The following ENTREP2 variants were observed in gnomAD, a reference collection of about 807,000 sequenced individuals.
ENTREP2 encodes endosomal transmembrane epsin interactor 2.
At chr15:29,338,213 A>T in the ENTREP2 span, among the ~76,000 whole-genome samples, 3 of 151,874 alleles carry the variant, frequency 2.0e-5, no homozygotes, top group African/African-American at 7.3e-5. Context: ...GGGAGTGAGG[A>T]GTGCATGTCC....
chr15:29,656,348 C>G, the ENTREP2 span, among the ~76,000 whole-genome samples: 5 of 151,992 alleles, frequency 3.3e-5, no homozygotes, highest in African/African-American at 1.2e-4. Context: ...GTGTCAGCCT[C>G]CCGAGTAGCT....
At chr15:29,641,348 T>C in the ENTREP2 span, among the ~76,000 whole-genome samples, 1 of 151,938 alleles carries the variant, frequency 6.6e-6, no homozygotes, top group Non-Finnish European at 1.5e-5. Flanking sequence ...TCATCAAAAT[T>C]GGAAAGGAAA....
the ENTREP2 span, chr15:29,123,185 CT>C: frequency 1.3e-6 from 1 of 796,284 alleles, no homozygotes; most frequent in Non-Finnish European, 1.9e-6. Context: ...TAACAGTTCC[CT>C]GCCCACACCG....
At chr15:29,460,562 C>T in the ENTREP2 span, among the ~76,000 whole-genome samples, 19 of 151,740 alleles carry the variant, frequency 1.3e-4, no homozygotes, top group East Asian at 2.0e-4. Flanking sequence ...AGCCCGGAGG[C>T]GGAGGCTGCA....
chr15:29,491,824 A>G, the ENTREP2 span, among the ~76,000 whole-genome samples: 1 of 152,220 alleles, frequency 6.6e-6, no homozygotes, highest in Non-Finnish European at 1.5e-5. Context: ...CCTGCCTCAC[A>G]GTAGACATTA....
the ENTREP2 span, among the ~76,000 whole-genome samples, chr15:29,628,730 G>C: frequency 6.6e-6 from 1 of 152,090 alleles, no homozygotes; most frequent in Non-Finnish European, 1.5e-5. Context: ...TAAGATCACT[G>C]TGTGTTTTTG....
chr15:29,300,590 T>C, the ENTREP2 span, among the ~76,000 whole-genome samples: 1 of 152,112 alleles, frequency 6.6e-6, no homozygotes, highest in African/African-American at 2.4e-5. Flanking sequence ...GGAAGCGAGG[T>C]ACAGAACATA....
At chr15:29,663,307 G>A in the ENTREP2 span, among the ~76,000 whole-genome samples, 1 of 151,952 alleles carries the variant, frequency 6.6e-6, no homozygotes, top group Admixed American at 6.5e-5. Context: ...ATCACCTGAG[G>A]TCAGGAGTTC....
chr15:29,427,654 AG>A, the ENTREP2 span, among the ~76,000 whole-genome samples: 17,447 of 151,932 alleles, frequency 0.11, 1,142 homozygotes, highest in East Asian at 0.3. Context: ...TTCCCTTATG[AG>A]GGCCCTTGTG....
chr15:29,579,772 G>A, the ENTREP2 span, among the ~76,000 whole-genome samples: 5 of 142,602 alleles, frequency 3.5e-5, no homozygotes, highest in Admixed American at 7.5e-5. Flanking sequence ...GTGCAGTGGC[G>A]CGATCTCGGC....
the ENTREP2 span, among the ~76,000 whole-genome samples, chr15:29,377,860 AAT>A: frequency 9.5e-6 from 1 of 104,928 alleles, no homozygotes; most frequent in South Asian, 4.0e-4. Context: ...TAATAATAAT[AAT>A]AAAAAAATGA....
chr15:29,391,872 T>C, the ENTREP2 span, among the ~76,000 whole-genome samples: 2 of 152,276 alleles, frequency 1.3e-5, no homozygotes, highest in African/African-American at 4.8e-5. Flanking sequence ...TCGCCCAGGC[T>C]GGAGTGCAGT....
the ENTREP2 span, among the ~76,000 whole-genome samples, chr15:29,286,536 C>T: frequency 6.6e-6 from 1 of 152,192 alleles, no homozygotes; most frequent in African/African-American, 2.4e-5. Flanking sequence ...ATGTGAACTC[C>T]TTTTGTGGCC....
chr15:29,657,406 G>A, the ENTREP2 span, among the ~76,000 whole-genome samples: 148 of 133,872 alleles, frequency 1.1e-3, no homozygotes, highest in Non-Finnish European at 1.7e-3. Flanking sequence ...AGCAGTAGCA[G>A]CTATAAAGAA....
the ENTREP2 span, among the ~76,000 whole-genome samples, chr15:29,133,427 A>G: frequency 6.6e-6 from 1 of 152,096 alleles, no homozygotes; most frequent in African/African-American, 2.4e-5. Context: ...AGGGACACCC[A>G]CTGGTGTCTG....
chr15:29,460,159 A>G, the ENTREP2 span, among the ~76,000 whole-genome samples: 1 of 151,932 alleles, frequency 6.6e-6, no homozygotes, highest in East Asian at 1.9e-4. Context: ...TGCTGAGGCA[A>G]GAGGATCCTG....
At chr15:29,286,946 T>C in the ENTREP2 span, among the ~76,000 whole-genome samples, 1 of 152,186 alleles carries the variant, frequency 6.6e-6, no homozygotes. Context: ...AGAGACTAAA[T>C]CTTGAAACAA....
chr15:29,533,321 T>C, the ENTREP2 span, among the ~76,000 whole-genome samples: 1 of 152,178 alleles, frequency 6.6e-6, no homozygotes, highest in South Asian at 2.1e-4. Context: ...TCATAAAAAT[T>C]ACGCATTTTG....
At chr15:29,586,233 A>G in the ENTREP2 span, among the ~76,000 whole-genome samples, 5 of 152,184 alleles carry the variant, frequency 3.3e-5, no homozygotes, top group Admixed American at 2.0e-4. Context: ...CCACGATTCT[A>G]TTGGTATGAA....
Sources: allele counts gnomAD v4.1 joint callset (sites outside exome capture counted in the v4.1 genomes callset), GRCh38; gene constraint gnomAD v4.1.1; transcripts MANE v1.5; gene names NCBI Gene and HGNC (gene_info 2026-07-23, HGNC 2026-07-21).